Variants in C12orf56 observed in about 807,000 individuals in gnomAD.
C12orf56 encodes uncharacterized protein C12orf56.
In C12orf56, 71 loss-of-function variants were observed where a neutral mutation model predicts 69.9. The ratio of observed to expected loss-of-function variants is 1.02; its 90% confidence interval spans 0.84 to 1.24. C12orf56 has a LOEUF of 1.24. Ranked by LOEUF, C12orf56 falls within the 50% of genes most tolerant of loss-of-function variation. The pLI is 0.00. For synonymous variants in C12orf56, 276 were observed against 274.1 expected (o/e 1.01, Z -0.07); for missense variants, 732 against 738.5 (o/e 0.99, Z 0.10).
intron 2 of C12orf56, among the ~76,000 whole-genome samples, chr12:64,332,816 T>C (rs975182161): frequency 6.6e-6 from 1 of 152,014 alleles, no homozygotes; most frequent in Middle Eastern, 3.4e-3. Flanking sequence ...TAGGAGGAGG[T>C]CCTAGCCAAG....
At chr12:64,382,090 C>A (rs180822661) in intron 1 of C12orf56, among the ~76,000 whole-genome samples, 5 of 151,804 alleles carry the variant, frequency 3.3e-5, no homozygotes, top group African/African-American at 7.2e-5. Flanking sequence ...GGTGAAACCC[C>A]ATCTCTACTA....
chr12:64,310,689 A>G (rs2038595481), intron 5 of C12orf56, among the ~76,000 whole-genome samples: 1 of 150,720 alleles, frequency 6.6e-6, no homozygotes, highest in African/African-American at 2.4e-5. Flanking sequence ...TGTTTCAGTC[A>G]TCTCATTTCT....
Position 64,318,621 on chromosome 12 carries a change from G to A in C12orf56, c.848C>T (p.Ser283Leu). 2.6e-6 allele frequency: 4 copies of A among 1,536,734 alleles called. No individual in the cohort carries two copies. Among genetic ancestry groups the A allele is most frequent in the Non-Finnish European group, 3.5e-6 (4 of 1,146,550 alleles). ...ACTTTTTAAGTGCAGAAATATTGATGAGGTTGTGGAAATAACATACAAATG... is the reference window on the plus strand; with the variant it reads ...ACTTTTTAAGTGCAGAAATATTGATAAGGTTGTGGAAATAACATACAAATG... ...ELHLYVISTT[S>L]SIFLHLKSSW... is the part of the protein sequence containing the mutation. The change falls in exon 4 of 13, where the codon TCA (serine) becomes TTA (leucine). Residue 283 changes from serine (S) to leucine (L), a missense_variant. By Grantham distance (145) the Ser-to-Leu change is moderately radical. Coordinates refer to ENST00000543942, the MANE Select transcript of C12orf56 (RefSeq NM_001170633.2).
chr12:64,368,239 A>G (rs1028593002), intron 1 of C12orf56, among the ~76,000 whole-genome samples: 5 of 152,162 alleles, frequency 3.3e-5, no homozygotes, highest in African/African-American at 9.7e-5. Context: ...AAGTGCTGCA[A>G]TTATAGGCGT....
intron 2 of C12orf56, among the ~76,000 whole-genome samples, chr12:64,346,169 A>C (rs1399875092): frequency 6.6e-6 from 1 of 152,162 alleles, no homozygotes; most frequent in Non-Finnish European, 1.5e-5. Context: ...CATGATCACA[A>C]GGTCCCACAC....
intron 8 of C12orf56, among the ~76,000 whole-genome samples, chr12:64,283,018 T>G: frequency 6.6e-6 from 1 of 152,040 alleles, no homozygotes; most frequent in African/African-American, 2.4e-5. Flanking sequence ...GGTGCACGCC[T>G]GTAATCCCAG....
At position 64,303,594 on chromosome 12, in the gene C12orf56, AAC is replaced by A. The variant is rs1451660459; in HGVS notation, c.1113+39_1113+40del. On this transcript the variant is annotated intron_variant, in intron 6 of 12. Transcript: ENST00000543942. Reference sequence around the variant, plus strand: ...GTATGTTTGTATTTGGTAAACAGGAAACACAAACTTTAAAGATTAAAAATAAA... The same window carrying A: ...GTATGTTTGTATTTGGTAAACAGGAAACAAACTTTAAAGATTAAAAATAAA... The A allele has an allele frequency of 4.2e-6, 6 of 1,428,540 alleles. No homozygotes were observed. In the African/African-American group the frequency reaches 8.7e-5, roughly 21 times the overall value. 88.5% of individuals were successfully genotyped at this position (1,428,540 alleles called of 1,614,324 possible).
At chr12:64,332,464 G>C (rs1309414856) in intron 2 of C12orf56, among the ~76,000 whole-genome samples, 1 of 152,092 alleles carries the variant, frequency 6.6e-6, no homozygotes, top group Non-Finnish European at 1.5e-5. Flanking sequence ...AGAGCACAGG[G>C]TCTTCTTCCC....
intron 1 of C12orf56, among the ~76,000 whole-genome samples, chr12:64,382,762 A>T (rs1011892315): frequency 1.3e-4 from 20 of 151,534 alleles, no homozygotes; most frequent in African/African-American, 4.9e-4. Context: ...AGTCCTAGCT[A>T]CTCAGGAGGC....
intron 2 of C12orf56, among the ~76,000 whole-genome samples, chr12:64,334,511 A>T (rs557831187): frequency 1.8e-4 from 27 of 152,256 alleles, no homozygotes; most frequent in Non-Finnish European, 3.5e-4. Context: ...TAATCTCTAG[A>T]TTATTTATAA....
At chr12:64,341,609 A>T (rs1298804072) in intron 2 of C12orf56, among the ~76,000 whole-genome samples, 1 of 152,166 alleles carries the variant, frequency 6.6e-6, no homozygotes, top group African/African-American at 2.4e-5. Flanking sequence ...AATACCATGA[A>T]GGTGGGTAAG....
At chr12:64,286,368 C>T (rs2038201862) in intron 6 of C12orf56, among the ~76,000 whole-genome samples, 1 of 152,204 alleles carries the variant, frequency 6.6e-6, no homozygotes, top group Non-Finnish European at 1.5e-5. Flanking sequence ...GCAACTCATC[C>T]AGTCACCTTG....
At position 64,386,638 on chromosome 12, in the gene C12orf56, C is replaced by T. The variant is rs1472792581; in HGVS notation, c.252+3676G>A. ...CTCAAACTCCCAACCTCAGGTGATC[C>T]GCCCATCTCGGCTTCCCAAAGTGCT... On this transcript the variant is annotated intron_variant, in intron 1 of 12. Coordinates refer to ENST00000543942, the MANE Select transcript of C12orf56 (RefSeq NM_001170633.2). 5.3e-5 allele frequency among the ~76,000 whole-genome samples: 8 copies of T among 151,704 alleles called. No homozygotes were observed. In the South Asian group the frequency reaches 6.2e-4, roughly 12 times the overall value.
chr12:64,300,732 C>T (rs2038432845), intron 6 of C12orf56, among the ~76,000 whole-genome samples: 1 of 152,206 alleles, frequency 6.6e-6, no homozygotes, highest in African/African-American at 2.4e-5. Context: ...GCTAAAATAT[C>T]CTGATATTTC....
intron 1 of C12orf56, among the ~76,000 whole-genome samples, chr12:64,380,101 T>C (rs2039693704): frequency 1.6e-5 from 1 of 61,564 alleles, no homozygotes; most frequent in Non-Finnish European, 2.5e-5. Context: ...CAAGACTCCG[T>C]CGCAAAAAAA....
chr12:64,277,203 G>C (rs1221393787), intron 9 of C12orf56, among the ~76,000 whole-genome samples: 3 of 151,862 alleles, frequency 2.0e-5, no homozygotes, highest in African/African-American at 7.3e-5. Flanking sequence ...TAATGTCTTG[G>C]TACAACCTTA....
chr12:64,333,523 G>A (rs1269509265), intron 2 of C12orf56, among the ~76,000 whole-genome samples: 1 of 151,046 alleles, frequency 6.6e-6, no homozygotes, highest in East Asian at 1.9e-4. Context: ...ATTTTTTTGA[G>A]AAGAGTCTCA....
At chr12:64,362,321 A>AAG (rs2039409945) in intron 1 of C12orf56, among the ~76,000 whole-genome samples, 1 of 152,180 alleles carries the variant, frequency 6.6e-6, no homozygotes, top group African/African-American at 2.4e-5. Context: ...TACAGAACCC[A>AAG]AGAGAGGGTT....
At chr12:64,306,414 G>GT (rs1225790780) in intron 5 of C12orf56, among the ~76,000 whole-genome samples, 5 of 149,396 alleles carry the variant, frequency 3.3e-5, no homozygotes, top group African/African-American at 9.9e-5. Flanking sequence ...TTGCAGGAAG[G>GT]TTTTGTTTTT....
Sources: gnomAD v4.1 joint callset for allele counts (sites outside exome capture counted in the v4.1 genomes callset) on GRCh38, gnomAD v4.1.1 for gene constraint, MANE v1.5 for transcripts, NCBI Gene and HGNC (gene_info 2026-07-23, HGNC 2026-07-21) for gene names.